Variants in IQCM observed in about 807,000 individuals in gnomAD.
The protein encoded by IQCM is IQ motif containing M, also known as IQ domain-containing protein M.
In IQCM, 45 loss-of-function variants were observed where a neutral mutation model predicts 57.6. The observed-to-expected ratio is 0.78, with a 90% CI of 0.62 to 1.00. The LOEUF (loss-of-function observed/expected upper bound fraction) is 1.00, where lower values mean the gene tolerates loss of function less well. Among genes scored for constraint, IQCM ranks in the 50% least tolerant of loss-of-function variants. The probability of loss-of-function intolerance (pLI) is 0.00; values close to 1 mark genes in which losing one functional copy is unlikely to be tolerated. For synonymous variants in IQCM, 148 were observed against 158.9 expected (o/e 0.93, Z 0.51); for missense variants, 468 against 511.6 (o/e 0.91, Z 0.82).
At chr4:149,411,155 A>T (rs1452058987) in intron 13 of IQCM, among the ~76,000 whole-genome samples, 1 of 152,102 alleles carries the variant, frequency 6.6e-6, no homozygotes, top group Non-Finnish European at 1.5e-5. Context: ...AAATTTATAA[A>T]ACTCAGGTAT....
chr4:149,701,483 AG>A (rs1050567401), intron 5 of IQCM, among the ~76,000 whole-genome samples: 4 of 151,980 alleles, frequency 2.6e-5, no homozygotes, highest in African/African-American at 7.2e-5. Context: ...TTGAGAATAA[AG>A]GTTGTTTTTA....
chr4:149,446,963 T>C lies in IQCM; in HGVS notation c.1229-13406A>G, dbSNP rs150041558. On this transcript the variant is annotated intron_variant, in intron 12 of 13. Transcript: ENST00000636793. The stretch of plus-strand genomic sequence containing the variant: ...TTCATTTATTTATTGAACAATTATG[T>C]GATAGACACTGTGTTAGGTAATAGG... Among the ~76,000 whole-genome samples the C allele has an allele frequency of 6.9e-3, 1,043 of 151,568 alleles. 8 individuals are homozygous for C. Among genetic ancestry groups the C allele is most frequent in the Non-Finnish European group, 0.011 (741 of 67,628 alleles).
chr4:149,605,795 C>G (rs1360980554), intron 8 of IQCM, among the ~76,000 whole-genome samples: 1 of 142,516 alleles, frequency 7.0e-6, no homozygotes, highest in Non-Finnish European at 1.6e-5. Flanking sequence ...ACCCCTCCCC[C>G]AACTCCTGAG....
intron 12 of IQCM, among the ~76,000 whole-genome samples, chr4:149,508,888 G>C (rs1476637524): frequency 2.6e-5 from 4 of 152,106 alleles, no homozygotes; most frequent in Non-Finnish European, 4.4e-5. Flanking sequence ...TTGAATCGTG[G>C]GGGCAGGTCT....
intron 8 of IQCM, among the ~76,000 whole-genome samples, chr4:149,606,994 C>T (rs977873451): frequency 6.6e-6 from 1 of 151,958 alleles, no homozygotes; most frequent in Non-Finnish European, 1.5e-5. Flanking sequence ...AGAAAGTTTA[C>T]TCAAAGAAAT....
At chr4:149,392,412 A>G (rs1281661057) in intron 13 of IQCM, among the ~76,000 whole-genome samples, 1 of 152,048 alleles carries the variant, frequency 6.6e-6, no homozygotes, top group Non-Finnish European at 1.5e-5. Context: ...CAGAACTACC[A>G]TCATCATATA....
chr4:149,625,898 T>G (rs1756753185), intron 7 of IQCM, among the ~76,000 whole-genome samples: 1 of 152,210 alleles, frequency 6.6e-6, no homozygotes, highest in African/African-American at 2.4e-5. Context: ...GTACATCTAG[T>G]GAATGCCAGT....
intron 13 of IQCM, among the ~76,000 whole-genome samples, chr4:149,414,766 C>T (rs1469129441): frequency 1.3e-5 from 2 of 151,274 alleles, no homozygotes; most frequent in East Asian, 1.9e-4. Flanking sequence ...AACAATATAC[C>T]TATTTAAGAA....
chr4:149,742,028 G>C (rs1008213629), intron 3 of IQCM, among the ~76,000 whole-genome samples: 1 of 151,860 alleles, frequency 6.6e-6, no homozygotes, highest in African/African-American at 2.4e-5. Flanking sequence ...TTTTCTGGTA[G>C]ACATACTAAA....
At chr4:149,743,699 T>TC (rs1233413633) in intron 2 of IQCM, among the ~76,000 whole-genome samples, 1 of 152,198 alleles carries the variant, frequency 6.6e-6, no homozygotes, top group Non-Finnish European at 1.5e-5. Context: ...CCTTCATGGT[T>TC]CCCAGCTCAG....
At chr4:149,541,945 G>A (rs1747892747) in intron 12 of IQCM, among the ~76,000 whole-genome samples, 1 of 152,036 alleles carries the variant, frequency 6.6e-6, no homozygotes, top group African/African-American at 2.4e-5. Context: ...AATCAAAGAA[G>A]TCAGTATGAA....
chr4:149,494,815 C>G (rs1742480811), intron 12 of IQCM, among the ~76,000 whole-genome samples: 2 of 152,040 alleles, frequency 1.3e-5, no homozygotes, highest in Non-Finnish European at 2.9e-5. Flanking sequence ...ATATATTATT[C>G]AAAGCACAGT....
At chr4:149,561,827 T>C (rs906834609) in intron 10 of IQCM, among the ~76,000 whole-genome samples, 1 of 152,138 alleles carries the variant, frequency 6.6e-6, no homozygotes. Context: ...TGTAAACAGA[T>C]GACAACAATC....
intron 13 of IQCM, among the ~76,000 whole-genome samples, chr4:149,356,195 G>A (rs949216210): frequency 1.3e-4 from 20 of 152,114 alleles, no homozygotes; most frequent in Non-Finnish European, 5.9e-5. Context: ...TCTGTAGGTT[G>A]CCTGTTCACT....
chr4:149,771,622 A>C (rs1186535852), intron 2 of IQCM, among the ~76,000 whole-genome samples: 1 of 152,186 alleles, frequency 6.6e-6, no homozygotes, highest in Non-Finnish European at 1.5e-5. Context: ...AATGCTTTGA[A>C]ATGTGTTATG....
intron 7 of IQCM, among the ~76,000 whole-genome samples, chr4:149,644,879 A>G (rs991752989): frequency 6.6e-5 from 10 of 152,228 alleles, no homozygotes; most frequent in Non-Finnish European, 1.2e-4. Flanking sequence ...AATATAACCT[A>G]AAGAGTGCAA....
At chr4:149,495,094 A>G (rs1465634589) in intron 12 of IQCM, among the ~76,000 whole-genome samples, 2 of 152,124 alleles carry the variant, frequency 1.3e-5, no homozygotes. Context: ...CAGGCATATG[A>G]AAGGGTGACA....
Position 149,749,467 on chromosome 4 carries a change from G to C in IQCM, c.-48-6728C>G, listed in dbSNP as rs148196193. On this transcript the variant is annotated intron_variant, in intron 2 of 13. Coordinates refer to ENST00000636793, the MANE Select transcript of IQCM (RefSeq NM_001363507.2). ...CGGTCTATGTTTTTAATAATATAAA[G>C]TTCAAAAACAGGCCAAACTTACTAA... Among the ~76,000 whole-genome samples the C allele has an allele frequency of 2.0e-4, 31 of 152,216 alleles. No homozygotes were observed. The East Asian group carries it at 5.2e-3, about 26-fold the overall frequency.
chr4:149,382,421 T>G (rs1342013096), intron 13 of IQCM, among the ~76,000 whole-genome samples: 1 of 150,888 alleles, frequency 6.6e-6, no homozygotes, highest in East Asian at 2.0e-4. Flanking sequence ...TGGGGATGTA[T>G]AGTAATTTAG....
Sources: gnomAD v4.1 joint callset for allele counts (sites outside exome capture counted in the v4.1 genomes callset) on GRCh38, gnomAD v4.1.1 for gene constraint, MANE v1.5 for transcripts, NCBI Gene and HGNC (gene_info 2026-07-23, HGNC 2026-07-21) for gene names.